TMEM236: variants seen among roughly 807,000 people sequenced by gnomAD.
TMEM236 encodes the protein family with sequence similarity 23, member A.
TMEM236 carries 11 observed loss-of-function variants against 14.7 expected under a neutral mutation model. The observed-to-expected ratio is 0.75, with a 90% CI of 0.47 to 1.24. The LOEUF (loss-of-function observed/expected upper bound fraction) is 1.24, where lower values mean the gene tolerates loss of function less well. Ranked by LOEUF, TMEM236 falls within the 50% of genes most tolerant of loss-of-function variation. The pLI, the probability that TMEM236 is intolerant of heterozygous loss-of-function variation, is 0.00. For missense variants in TMEM236, 464 were observed against 427.3 expected, an observed-to-expected ratio of 1.09 and a Z score of -0.76; for synonymous variants, 182 against 168.6, an observed-to-expected ratio of 1.08 and a Z score of -0.62.
chr10:17,795,713 G>T (rs564809844), intron 3 of TMEM236, among the ~76,000 whole-genome samples: 1 of 152,106 alleles, frequency 6.6e-6, no homozygotes, highest in Admixed American at 6.6e-5. Flanking sequence ...GGTGCAGCAC[G>T]CCACCATGGC....
chr10:17,798,783 A>G lies in TMEM236; in HGVS notation c.*2279A>G, dbSNP rs1838054204. The G allele has an allele frequency of 4.2e-6, 2 of 480,662 alleles. No individual in the cohort carries two copies. Among genetic ancestry groups the G allele is most frequent in the South Asian group, 1.5e-5 (1 of 65,042 alleles). 29.8% of individuals were successfully genotyped at this position (480,662 alleles called of 1,614,324 possible). A position where few individuals can be genotyped will look rare whatever the true frequency, so the allele number is the denominator to read the frequency against. The stretch of plus-strand genomic sequence containing the variant: ...ATACTAGTACTACATTAATAGGGTT[A>G]GGAGGGTTAAAGGGTAAAGAGTCCT... On this transcript the variant is annotated 3_prime_UTR_variant, in exon 4 of 4. Coordinates refer to ENST00000377495, the MANE Select transcript of TMEM236 (RefSeq NM_001098844.3).
At chr10:17,765,812 C>T (rs1377588992) in intron 1 of TMEM236, among the ~76,000 whole-genome samples, 12 of 152,164 alleles carry the variant, frequency 7.9e-5, no homozygotes, top group South Asian at 4.1e-4. Context: ...TTAAGTTGGG[C>T]GCCTCTGGGC....
chr10:17,789,195 G>A (rs1468261046), intron 3 of TMEM236, among the ~76,000 whole-genome samples: 3 of 152,162 alleles, frequency 2.0e-5, no homozygotes, highest in Admixed American at 6.5e-5. Flanking sequence ...ATTTTTCTTT[G>A]TGATGTGAAC....
rs935980028 is a variant in TMEM236 at position 17,800,618 on chromosome 10, A to G, written c.*4114A>G. ...GAAGTCCTACTATGTTCTGGGCACT[A>G]TGCTGTTTGCCTAATACATAATTGC... On this transcript the variant is annotated 3_prime_UTR_variant, in exon 4 of 4. Coordinates refer to ENST00000377495, the MANE Select transcript of TMEM236 (RefSeq NM_001098844.3). 16,857 of 152,252 alleles carry G rather than the reference A, an allele frequency of 0.11. 1,133 individuals carry two copies. The highest frequency in any genetic ancestry group is 0.23 in the East Asian group (1,208 of 5,174). The allele number at this position is 152,252 out of a possible 1,614,324, so 9.4% of individuals were successfully genotyped here. A position where few individuals can be genotyped will look rare whatever the true frequency, so the allele number is the denominator to read the frequency against.
chr10:17,775,777 T>C (rs1837649384), intron 2 of TMEM236, among the ~76,000 whole-genome samples: 1 of 152,244 alleles, frequency 6.6e-6, no homozygotes, highest in South Asian at 2.1e-4. Context: ...AGCCCACTAC[T>C]GTTTTTTGCA....
chr10:17,792,988 G>T (rs1554836156), intron 3 of TMEM236, among the ~76,000 whole-genome samples: 1 of 152,162 alleles, frequency 6.6e-6, no homozygotes, highest in Non-Finnish European at 1.5e-5. Flanking sequence ...TGACCAAAAG[G>T]TTTCTCAGCT....
Position 17,799,165 on chromosome 10 carries a change from A to G in TMEM236, c.*2661A>G, listed in dbSNP as rs1431123791. The G allele has an allele frequency of 6.1e-6, 1 of 164,478 alleles. No homozygotes were observed. Among genetic ancestry groups the G allele is most frequent in the Non-Finnish European group, 1.3e-5 (1 of 75,108 alleles). The allele number at this position is 164,478 out of a possible 1,614,324, so 10.2% of individuals were successfully genotyped here. On this transcript the variant is annotated 3_prime_UTR_variant, in exon 4 of 4. Coordinates refer to ENST00000377495, the MANE Select transcript of TMEM236 (RefSeq NM_001098844.3). ...ATCTGAATTACACCACTTTATTCACACTTACATTATGTGTTTACTTTTCTG... is the reference window on the plus strand; with the variant it reads ...ATCTGAATTACACCACTTTATTCACGCTTACATTATGTGTTTACTTTTCTG...
At chr10:17,783,633 C>G (rs1837789948) in intron 3 of TMEM236, among the ~76,000 whole-genome samples, 1 of 152,220 alleles carries the variant, frequency 6.6e-6, no homozygotes, top group African/African-American at 2.4e-5. Flanking sequence ...TTCCGGCTCA[C>G]AGTCCGTGCA....
rs1013333614 is a variant in TMEM236, at chr10:17,780,605, A to T, written c.472+4435A>T. On this transcript the variant is annotated intron_variant, in intron 3 of 3. Coordinates refer to ENST00000377495, the MANE Select transcript of TMEM236 (RefSeq NM_001098844.3). The stretch of plus-strand genomic sequence containing the variant: ...AGACATGGTAAAGAAAGCTTTCTAC[A>T]TAGAAGAAAGGTTGGGCCTCCAAGA... Among the ~76,000 whole-genome samples the T allele has an allele frequency of 4.6e-5, 7 of 152,262 alleles. No individual in the cohort carries two copies. The East Asian group carries it at 7.7e-4, about 17-fold the overall frequency.
Position 17,796,407 on chromosome 10 carries a change from G to T in TMEM236, c.959G>T (p.Gly320Val). ...IALGTITPVL[G>V]LCKNILVTLS... ...CTGGGGACTATCACACCCGTACTGG[G>T]CCTGTGTAAAAATATCCTCGTGACT... Residue 320 changes from glycine (G) to valine (V), a missense_variant, in exon 4 of 4, where the codon GGC (glycine) becomes GTC (valine). Coordinates refer to ENST00000377495, the MANE Select transcript of TMEM236 (RefSeq NM_001098844.3). The T allele has an allele frequency of 1.9e-6, 3 of 1,613,704 alleles. No individual in the cohort carries two copies. Among genetic ancestry groups the T allele is most frequent in the Non-Finnish European group, 2.5e-6 (3 of 1,179,810 alleles).
intron 3 of TMEM236, among the ~76,000 whole-genome samples, chr10:17,779,700 C>T (rs1027834215): frequency 7.9e-5 from 12 of 152,024 alleles, no homozygotes; most frequent in East Asian, 3.9e-4. Context: ...CATGAGCCAC[C>T]GTGTCCACCT....
intron 1 of TMEM236, among the ~76,000 whole-genome samples, chr10:17,759,210 G>C (rs1436083457): frequency 6.6e-6 from 1 of 152,170 alleles, no homozygotes; most frequent in Non-Finnish European, 1.5e-5. Context: ...CAGGAAATAA[G>C]AGAGTTATTT....
chr10:17,766,746 C>T (rs1378969708), intron 1 of TMEM236, among the ~76,000 whole-genome samples: 1 of 152,160 alleles, frequency 6.6e-6, no homozygotes, highest in Non-Finnish European at 1.5e-5. Context: ...AAATTTATTG[C>T]CTCAAAATTC....
intron 1 of TMEM236, among the ~76,000 whole-genome samples, chr10:17,766,532 G>C (rs1469864565): frequency 6.6e-6 from 1 of 152,094 alleles, no homozygotes; most frequent in Non-Finnish European, 1.5e-5. Context: ...TAACACCTGT[G>C]TTTCTACCAA....
At chr10:17,766,477 T>C (rs530893431) in intron 1 of TMEM236, among the ~76,000 whole-genome samples, 5 of 152,356 alleles carry the variant, frequency 3.3e-5, no homozygotes, top group Non-Finnish European at 5.9e-5. Context: ...CAGCTTTCTC[T>C]ATATCCCTCC....
chr10:17,781,173 T>C (rs1837741177), intron 3 of TMEM236, among the ~76,000 whole-genome samples: 1 of 152,194 alleles, frequency 6.6e-6, no homozygotes, highest in African/African-American at 2.4e-5. Flanking sequence ...TGCTTGTCTG[T>C]GTCTGCAGCT....
intron 1 of TMEM236, among the ~76,000 whole-genome samples, chr10:17,763,062 G>A (rs1837402985): frequency 6.6e-6 from 1 of 152,078 alleles, no homozygotes. Context: ...AGTCCACTGT[G>A]GAGTCTGGAT....
chr10:17,791,849 T>G (rs1181140255), intron 3 of TMEM236, among the ~76,000 whole-genome samples: 1 of 152,196 alleles, frequency 6.6e-6, no homozygotes, highest in African/African-American at 2.4e-5. Context: ...CCATTTATTA[T>G]TCTATATTTA....
At position 17,776,059 on chromosome 10, in the gene TMEM236, G is replaced by A. The variant is rs1837654115; in HGVS notation, c.361G>A (p.Val121Ile). Reference protein sequence around the residue: ...VQKSINGSADVLPDMLPDLPV... With the variant: ...VQKSINGSADILPDMLPDLPV... ...AAAGAGCATTAATGGGTCCGCTGAT[G>A]TCTTACCTGATATGTTACCTGACCT... Residue 121 changes from valine to isoleucine, a missense_variant, in exon 3 of 4, where the codon GTC becomes ATC. Val to Ile is a conservative substitution (Grantham distance 29, BLOSUM62 3). Coordinates refer to ENST00000377495, the MANE Select transcript of TMEM236 (RefSeq NM_001098844.3). 2 of 1,613,870 alleles carry A rather than the reference G, an allele frequency of 1.2e-6. No individual in the cohort carries two copies. Among genetic ancestry groups the A allele is most frequent in the Non-Finnish European group, 1.7e-6 (2 of 1,179,840 alleles).
Sources: allele counts gnomAD v4.1 joint callset (sites outside exome capture counted in the v4.1 genomes callset), GRCh38; gene constraint gnomAD v4.1.1; transcripts MANE v1.5; gene names NCBI Gene and HGNC (gene_info 2026-07-23, HGNC 2026-07-21).